ANO3: variants seen among roughly 807,000 people sequenced by gnomAD.
The protein encoded by ANO3 is anoctamin 3, also known as anoctamin-3.
In ANO3, 99 loss-of-function variants were observed where a neutral mutation model predicts 144.8. The ratio of observed to expected loss-of-function variants is 0.68; its 90% confidence interval spans 0.58 to 0.81. ANO3 has a LOEUF of 0.81. ANO3 is among the 30% of genes least tolerant of loss of function. The probability of loss-of-function intolerance (pLI) is 0.00; values close to 1 mark genes in which losing one functional copy is unlikely to be tolerated. For synonymous variants in ANO3, 414 were observed against 392.6 expected (o/e 1.05, Z -0.64); for missense variants, 905 against 1,202.2 (o/e 0.75, Z 3.66).
intron 17 of ANO3, among the ~76,000 whole-genome samples, chr11:26,622,427 T>C (rs1852443333): frequency 7.7e-6 from 1 of 129,456 alleles, no homozygotes; most frequent in Non-Finnish European, 1.7e-5. Flanking sequence ...AAAAGCCATC[T>C]CTGAAAAAAA....
intron 4 of ANO3, among the ~76,000 whole-genome samples, chr11:26,471,252 G>A (rs1299590815): frequency 6.6e-6 from 1 of 151,792 alleles, no homozygotes; most frequent in Non-Finnish European, 1.5e-5. Context: ...CAATCTCTGA[G>A]ATATACTCTC....
chr11:26,253,581 C>G (rs1333814109), intron 1 of ANO3, among the ~76,000 whole-genome samples: 1 of 151,302 alleles, frequency 6.6e-6, no homozygotes, highest in Non-Finnish European at 1.5e-5. Context: ...AAAAAAACCT[C>G]ACTGGATACA....
In ANO3 at chr11:26,639,197, G is replaced by A; in HGVS notation, c.2097G>A (p.Met699Ile). ...TCTGCCTCCAGATGGGTGTCATCAT[G>A]TTTTTGAAGCAAATATGGAACAACT... ...IDLCLQMGVIMFLKQIWNNFM... is the reference protein window; with the variant it reads ...IDLCLQMGVIIFLKQIWNNFM... Residue 699 changes from methionine to isoleucine, a missense_variant, in exon 21 of 27, where the codon ATG (methionine) becomes ATA (isoleucine). Met to Ile is a conservative substitution (Grantham distance 10). Coordinates refer to ENST00000256737, the MANE Select transcript of ANO3 (RefSeq NM_031418.4). 1 of 1,613,612 alleles carries A rather than the reference G, an allele frequency of 6.2e-7. No individual in the cohort carries two copies. Among genetic ancestry groups the A allele is most frequent in the Non-Finnish European group, 8.5e-7 (1 of 1,179,672 alleles).
intron 14 of ANO3, among the ~76,000 whole-genome samples, chr11:26,582,658 T>G (rs1181040877): frequency 6.6e-6 from 1 of 152,216 alleles, no homozygotes; most frequent in African/African-American, 2.4e-5. Context: ...ATAGAAATAC[T>G]CAAATTTTAA....
At chr11:26,197,076 T>G (rs1851603004) in intron 1 of ANO3, among the ~76,000 whole-genome samples, 1 of 152,196 alleles carries the variant, frequency 6.6e-6, no homozygotes, top group South Asian at 2.1e-4. Flanking sequence ...CCTAAACTGG[T>G]AATAATATTA....
intron 1 of ANO3, among the ~76,000 whole-genome samples, chr11:26,335,027 T>C (rs557451358): frequency 6.6e-6 from 1 of 152,260 alleles, no homozygotes; most frequent in East Asian, 1.9e-4. Context: ...TTTTGATAGG[T>C]AAGTATAAGT....
intron 4 of ANO3, among the ~76,000 whole-genome samples, chr11:26,502,253 A>G (rs1861227261): frequency 1.3e-5 from 2 of 152,304 alleles, no homozygotes; most frequent in South Asian, 4.2e-4. Flanking sequence ...TAAAATAGCC[A>G]ACATTTTTCT....
intron 7 of ANO3, among the ~76,000 whole-genome samples, chr11:26,527,010 T>G (rs1156508656): frequency 6.6e-6 from 1 of 151,346 alleles, no homozygotes; most frequent in Non-Finnish European, 1.5e-5. Context: ...TTGATTTGCT[T>G]CAGTTTGCTA....
At chr11:26,434,421 G>A (rs535992039) in intron 1 of ANO3, among the ~76,000 whole-genome samples, 36 of 151,784 alleles carry the variant, frequency 2.4e-4, no homozygotes, top group Admixed American at 1.4e-3. Flanking sequence ...GTTATCTCTC[G>A]TTCTTCAGTT....
rs189489653 is a variant in ANO3, at chr11:26,635,277, T to C, written c.2043+207T>C. Among the ~76,000 whole-genome samples the C allele has an allele frequency of 5.9e-5, 9 of 152,258 alleles. No individual in the cohort carries two copies. The East Asian group carries it at 1.7e-3, about 29-fold the overall frequency. On this transcript the variant is annotated intron_variant, in intron 20 of 26. Transcript: ENST00000256737. The stretch of plus-strand genomic sequence containing the variant: ...CCCAAGATTCTCACCTCAGCTCTAT[T>C]TTTTTAATCACATCAATTTCTTTTA...
chr11:26,581,173 T>G (rs1193891655), intron 14 of ANO3, among the ~76,000 whole-genome samples: 1 of 152,198 alleles, frequency 6.6e-6, no homozygotes, highest in African/African-American at 2.4e-5. Flanking sequence ...ATGAGTGAGA[T>G]GGATAATGTT....
intron 14 of ANO3, among the ~76,000 whole-genome samples, chr11:26,569,073 T>A (rs1850714574): frequency 1.3e-5 from 2 of 152,096 alleles, no homozygotes; most frequent in Admixed American, 6.6e-5. Context: ...GACATGGCAT[T>A]GAGCTTTCAT....
chr11:26,611,703 G>C (rs1852104034), intron 17 of ANO3, among the ~76,000 whole-genome samples: 2 of 152,120 alleles, frequency 1.3e-5, no homozygotes, highest in South Asian at 2.1e-4. Context: ...TGAGGGTGGG[G>C]TGTTGAAGTT....
At chr11:26,595,457 G>GTTTTTTTTTTTT (rs1411703035) in intron 14 of ANO3, among the ~76,000 whole-genome samples, 33 of 67,830 alleles carry the variant, frequency 4.9e-4, no homozygotes, top group South Asian at 1.2e-3. Context: ...TTGAGATAGA[G>GTTTTTTTTTTTT]TTGTTTTTTT....
At chr11:26,523,617 G>T (rs1262271826) in intron 6 of ANO3, among the ~76,000 whole-genome samples, 1 of 139,914 alleles carries the variant, frequency 7.1e-6, no homozygotes, top group Non-Finnish European at 1.5e-5. Context: ...GAAGAGAAAG[G>T]GAGGAGAAGT....
intron 1 of ANO3, among the ~76,000 whole-genome samples, chr11:26,255,622 G>T (rs1305897420): frequency 2.0e-5 from 3 of 152,144 alleles, no homozygotes; most frequent in African/African-American, 7.2e-5. Flanking sequence ...AAAAAAGATG[G>T]GAGGGGGGTT....
chr11:26,468,733 G>A (rs189548528), intron 4 of ANO3, among the ~76,000 whole-genome samples: 1 of 152,076 alleles, frequency 6.6e-6, no homozygotes, highest in African/African-American at 2.4e-5. Flanking sequence ...CAGATATTGT[G>A]AGATGGTGAT....
intron 1 of ANO3, among the ~76,000 whole-genome samples, chr11:26,415,742 GGC>G (rs1404147483): frequency 9.2e-5 from 14 of 152,058 alleles, no homozygotes; most frequent in African/African-American, 3.4e-4. Flanking sequence ...AATACAGCCA[GGC>G]ACATGTTCTC....
chr11:26,249,715 C>T (rs1331522489), intron 1 of ANO3, among the ~76,000 whole-genome samples: 1 of 151,756 alleles, frequency 6.6e-6, no homozygotes. Flanking sequence ...TAACTAATTG[C>T]CTCTTATTAA....
Sources: allele counts gnomAD v4.1 joint callset (sites outside exome capture counted in the v4.1 genomes callset), GRCh38; gene constraint gnomAD v4.1.1; transcripts MANE v1.5; gene names NCBI Gene and HGNC (gene_info 2026-07-23, HGNC 2026-07-21).